FBRSL1: variants seen among roughly 807,000 people sequenced by gnomAD.
FBRSL1 encodes fibrosin like 1.
FBRSL1 carries 51 observed loss-of-function variants against 89.6 expected under a neutral mutation model. The observed-to-expected ratio is 0.57, with a 90% CI of 0.45 to 0.72. The LOEUF is 0.72. Ranked by LOEUF, FBRSL1 falls within the 30% of genes least tolerant of loss-of-function variation. The probability of loss-of-function intolerance (pLI) is 0.00; values close to 1 mark genes in which losing one functional copy is unlikely to be tolerated. For synonymous variants in FBRSL1, 779 were observed against 681.1 expected, an observed-to-expected ratio of 1.14 and a Z score of -2.24; for missense variants, 1,618 against 1,451.8, an observed-to-expected ratio of 1.11 and a Z score of -1.86.
At chr12:132,550,704 C>T (rs2038087339) in intron 5 of FBRSL1, 1 of 152,800 alleles carries the variant, frequency 6.5e-6, no homozygotes, top group Admixed American at 6.5e-5. Flanking sequence ...GAGAGGAGCC[C>T]AGAGCCGGCA....
chr12:132,534,213 C>T (rs1055378113), intron 4 of FBRSL1, among the ~76,000 whole-genome samples: 4 of 152,180 alleles, frequency 2.6e-5, no homozygotes, highest in African/African-American at 7.2e-5. Flanking sequence ...GCCATCCTGC[C>T]GTCCGCCTCC....
chr12:132,571,213 C>G lies in FBRSL1; in HGVS notation c.1359C>G (p.Cys453Trp). Residue 453 changes from cysteine (C) to tryptophan (W), a missense_variant, in exon 9 of 19, where the codon TGC (cysteine) becomes TGG (tryptophan). By Grantham distance (215) the Cys-to-Trp change is radical. Transcript: ENST00000680143. ...HVASGHPGLACRPRECQFDKY... is the reference protein window; with the variant it reads ...HVASGHPGLAWRPRECQFDKY... ...CGAGCGGCCACCCCGGCTTGGCCTG[C>G]CGACCCCGGGAGTGCCAGGTGACTA... 6.9e-7 allele frequency: 1 copy of G among 1,445,730 alleles called. No homozygotes were observed. The highest frequency in any genetic ancestry group is 9.1e-7 in the Non-Finnish European group (1 of 1,094,036). The allele number at this position is 1,445,730 out of a possible 1,614,324, so 89.6% of individuals were successfully genotyped here.
At chr12:132,501,572 G>T (rs541588757) in intron 1 of FBRSL1, among the ~76,000 whole-genome samples, 1 of 152,324 alleles carries the variant, frequency 6.6e-6, no homozygotes, top group South Asian at 2.1e-4. Context: ...ACAGGGGCCA[G>T]TGTGGGCCAT....
rs763824156 is a variant in FBRSL1 at position 132,570,471 on chromosome 12, G to T, written c.1144G>T (p.Ala382Ser). 1.4e-5 allele frequency: 22 copies of T among 1,532,370 alleles called. No homozygotes were observed. The highest frequency in any genetic ancestry group is 1.7e-5 in the Non-Finnish European group (20 of 1,145,086). The allele number at this position is 1,532,370 out of a possible 1,614,324, so 94.9% of individuals were successfully genotyped here. A position where few individuals can be genotyped will look rare whatever the true frequency, so the allele number is the denominator to read the frequency against. Residue 382 changes from alanine (A) to serine (S), a missense_variant, in exon 8 of 19, where the codon GCA (alanine) becomes TCA (serine). Ala to Ser is a moderately conservative substitution (Grantham distance 99). Coordinates refer to ENST00000680143, the MANE Select transcript of FBRSL1 (RefSeq NM_001367871.1). ...QHQLHAAMFAAPPTLPPPPAL... is the reference protein window; with the variant it reads ...QHQLHAAMFASPPTLPPPPAL... ...CCAGCTCCACGCGGCCATGTTTGCCGCACCCCCGACACTGCCCCCGCCCCC... is the reference window on the plus strand; with the variant it reads ...CCAGCTCCACGCGGCCATGTTTGCCTCACCCCCGACACTGCCCCCGCCCCC...
intron 4 of FBRSL1, among the ~76,000 whole-genome samples, chr12:132,547,696 T>C (rs1016570621): frequency 6.6e-6 from 1 of 152,210 alleles, no homozygotes; most frequent in Non-Finnish European, 1.5e-5. Context: ...TCTGAGGGTC[T>C]GGCCAGTGAG....
intron 5 of FBRSL1, among the ~76,000 whole-genome samples, chr12:132,550,058 C>A (rs972969439): frequency 6.6e-6 from 1 of 151,808 alleles, no homozygotes; most frequent in Non-Finnish European, 1.5e-5. Flanking sequence ...GTTTGGCATT[C>A]CTGCACACGG....
chr12:132,533,526 A>G (rs1300109561), intron 4 of FBRSL1, among the ~76,000 whole-genome samples: 1 of 152,270 alleles, frequency 6.6e-6, no homozygotes, highest in East Asian at 1.9e-4. Context: ...AGGGTCTTTC[A>G]GGCTGGCTGC....
At chr12:132,503,848 C>T (rs768034891) in intron 1 of FBRSL1, among the ~76,000 whole-genome samples, 5 of 152,152 alleles carry the variant, frequency 3.3e-5, no homozygotes, top group Admixed American at 6.5e-5. Flanking sequence ...ACAAGCCTGA[C>T]GAAGGTGTGA....
intron 3 of FBRSL1, among the ~76,000 whole-genome samples, chr12:132,527,144 G>A (rs1208415438): frequency 6.6e-6 from 1 of 152,208 alleles, no homozygotes; most frequent in South Asian, 2.1e-4. Flanking sequence ...TCCTTTGAGG[G>A]CTCCATCTGG....
chr12:132,562,802 C>T (rs1055605932), intron 5 of FBRSL1, among the ~76,000 whole-genome samples: 1 of 152,144 alleles, frequency 6.6e-6, no homozygotes, highest in Non-Finnish European at 1.5e-5. Flanking sequence ...TGCTGCTCTT[C>T]TCTGTGGTTC....
At chr12:132,577,803 GAC>G (rs987452024) in intron 15 of FBRSL1, among the ~76,000 whole-genome samples, 1 of 152,278 alleles carries the variant, frequency 6.6e-6, no homozygotes, top group African/African-American at 2.4e-5. Flanking sequence ...GTGTGGGATG[GAC>G]ACAGTCTGGG....
intron 4 of FBRSL1, among the ~76,000 whole-genome samples, chr12:132,536,669 T>C (rs553390609): frequency 1.3e-5 from 2 of 151,410 alleles, no homozygotes; most frequent in African/African-American, 4.9e-5. Flanking sequence ...TCATGCCATG[T>C]GTACATGACG....
rs1229900758 is a variant in FBRSL1, at chr12:132,582,192, C to G, written c.2127C>G (p.Ser709=). ...SFPAPPPWPK[S]VDAERVSALT... The stretch of plus-strand genomic sequence containing the variant: ...CGGCTCCGCCCCCGTGGCCCAAGTC[C>G]GTGGACGCGGAGCGGGTGTCAGCCC... Residue 709 remains serine (S), a synonymous_variant, in exon 18 of 19, where the codon TCC becomes TCG. Coordinates refer to ENST00000680143, the MANE Select transcript of FBRSL1 (RefSeq NM_001367871.1). 1 of 1,550,186 alleles carries G rather than the reference C, an allele frequency of 6.5e-7. No homozygotes were observed. Among genetic ancestry groups the G allele is most frequent in the Non-Finnish European group, 8.7e-7 (1 of 1,146,872 alleles).
Position 132,583,288 on chromosome 12 carries a change from T to G in FBRSL1, c.2519T>G (p.Leu840Arg). Reference sequence around the variant, plus strand: ...CACCCCGCGCCCCTGCAGCTCGGCCTGGGCCGCGAGCGCCTGGGCGCGCCG... The same window carrying G: ...CACCCCGCGCCCCTGCAGCTCGGCCGGGGCCGCGAGCGCCTGGGCGCGCCG... ...GLHPAPLQLG[L>R]GRERLGAPGF... is the part of the protein sequence containing the mutation. The change falls in exon 19 of 19, where the codon CTG (leucine) becomes CGG (arginine). Residue 840 changes from leucine to arginine, a missense_variant. Physicochemically the swap from Leu to Arg is moderately radical, Grantham distance 102. Transcript: ENST00000680143. 2 of 1,148,114 alleles carry G rather than the reference T, an allele frequency of 1.7e-6. No homozygotes were observed. The highest frequency in any genetic ancestry group is 4.7e-5 in the South Asian group (2 of 42,510). 71.1% of individuals were successfully genotyped at this position (1,148,114 alleles called of 1,614,324 possible).
intron 5 of FBRSL1, chr12:132,551,421 C>T (rs1317605841): frequency 2.2e-6 from 1 of 456,298 alleles, no homozygotes. Context: ...CAGGGAACAG[C>T]CCTGCCCGCA....
chr12:132,519,523 A>G (rs2035161095), intron 2 of FBRSL1, among the ~76,000 whole-genome samples: 1 of 152,200 alleles, frequency 6.6e-6, no homozygotes, highest in Non-Finnish European at 1.5e-5. Flanking sequence ...ATGCAGTCTC[A>G]TACAGCTGGG....
At chr12:132,511,839 A>AC in intron 2 of FBRSL1, 3 of 600,970 alleles carry the variant, frequency 5.0e-6, no homozygotes, top group Non-Finnish European at 4.1e-6. Flanking sequence ...CTCGCTCCCC[A>AC]CCCACCCGGG....
chr12:132,571,400 G>A lies in FBRSL1; in HGVS notation c.1377+169G>A, dbSNP rs1467388838. The A allele has an allele frequency of 9.7e-6, 15 of 1,550,854 alleles. No homozygotes were observed. The highest frequency in any genetic ancestry group is 5.9e-5 in the South Asian group (5 of 84,056). On this transcript the variant is annotated intron_variant, in intron 9 of 18. Transcript: ENST00000680143. ...TCCCTGGGCCCGGGGGCTCTGCTGC[G>A]GGCGGAGTTCCATCAGCACCAGCAC...
At position 132,570,135 on chromosome 12, in the gene FBRSL1, C is replaced by G; in HGVS notation, c.901C>G (p.Pro301Ala). Residue 301 changes from proline (P) to alanine (A), a missense_variant, in exon 7 of 19, where the codon CCG becomes GCG. Coordinates refer to ENST00000680143, the MANE Select transcript of FBRSL1 (RefSeq NM_001367871.1). ...CGCCCCGCACCGCCACACCCCGCAG[C>G]CGCCACCCCCGCAGCCCCGCGGCCT... is the stretch of plus-strand genomic sequence containing the variant. The part of the protein sequence containing the change: ...PPAPHRHTPQ[P>A]PPPQPRGLLP... The G allele has an allele frequency of 6.8e-7, 1 of 1,477,404 alleles. No individual in the cohort carries two copies. The highest frequency in any genetic ancestry group is 8.9e-7 in the Non-Finnish European group (1 of 1,123,438). The allele number at this position is 1,477,404 out of a possible 1,614,324, so 91.5% of individuals were successfully genotyped here. A position where few individuals can be genotyped will look rare whatever the true frequency, so the allele number is the denominator to read the frequency against.
Sources: gnomAD v4.1 joint callset for allele counts (sites outside exome capture counted in the v4.1 genomes callset) on GRCh38, gnomAD v4.1.1 for gene constraint, MANE v1.5 for transcripts, NCBI Gene and HGNC (gene_info 2026-07-23, HGNC 2026-07-21) for gene names.